The following SRRM1 variants were observed in gnomAD, a reference collection of about 807,000 sequenced individuals.
SRRM1 encodes serine/arginine repetitive matrix protein 1.
Under a neutral mutation model 110.2 loss-of-function variants are expected in SRRM1, and 19 were observed. The observed-to-expected ratio is 0.17, with a 90% CI of 0.12 to 0.25. SRRM1 has a LOEUF of 0.25. Among genes scored for constraint, SRRM1 ranks in the 10% least tolerant of loss-of-function variants. The pLI is 1.00. For synonymous variants in SRRM1, 443 were observed against 414.9 expected (o/e 1.07, Z -0.82); for missense variants, 918 against 1,145.8 (o/e 0.80, Z 2.87).
Position 24,652,893 on chromosome 1 carries a change from A to G in SRRM1, c.921-20A>G. ...CTCACTCCTGGTTTATTCAGGACCT[A>G]ATTCTCTTTGTTATGGCAGATCGTA... On this transcript the variant is annotated intron_variant, in intron 7 of 16. Coordinates refer to ENST00000323848, the MANE Select transcript of SRRM1 (RefSeq NM_005839.4). 1 of 1,611,390 alleles carries G rather than the reference A, an allele frequency of 6.2e-7. No homozygotes were observed. Among genetic ancestry groups the G allele is most frequent in the Non-Finnish European group, 8.5e-7 (1 of 1,178,998 alleles).
chr1:24,654,657 T>C (rs1662959593), intron 8 of SRRM1, among the ~76,000 whole-genome samples, 198 bp from the exon 9 acceptor site: 2 of 152,202 alleles, frequency 1.3e-5, no homozygotes, highest in Non-Finnish European at 1.5e-5. Flanking sequence ...TTAAGTTGTT[T>C]ATATTAATCT....
chr1:24,650,050 G>A lies in SRRM1; in HGVS notation c.485G>A (p.Ser162Asn), dbSNP rs112268042. 1.9e-5 allele frequency: 31 copies of A among 1,593,038 alleles called. 1 individual carries two copies. In the South Asian group the frequency reaches 3.3e-4, roughly 17 times the overall value. The change falls in exon 5 of 17, where the codon AGC becomes AAC. Residue 162 changes from serine (S) to asparagine (N), a missense_variant. Coordinates refer to ENST00000323848, the MANE Select transcript of SRRM1 (RefSeq NM_005839.4). ...AGAGATAAGGAAGAAAAAGAAAGCA[G>A]CAGAGAAAAAAGGGAGCGGTCTCGT... is the stretch of plus-strand genomic sequence containing the variant. ...DKRDKEEKES[S>N]REKRERSRSP...
chr1:24,644,107 C>G (rs1011555070), intron 1 of SRRM1, among the ~76,000 whole-genome samples: 1 of 152,184 alleles, frequency 6.6e-6, no homozygotes, highest in Admixed American at 6.5e-5. Flanking sequence ...TCGTGTTTTA[C>G]TCTTGGAGTC....
At chr1:24,660,575 A>T (rs1666669856) in intron 9 of SRRM1, 144 bp from the exon 10 acceptor site, 1 of 367,474 alleles carries the variant, frequency 2.7e-6, no homozygotes, top group South Asian at 9.4e-5. Flanking sequence ...GCTTGAGGTC[A>T]GGAGTTCAAG....
In SRRM1 at chr1:24,669,372, G is replaced by A. The variant is rs368508343; in HGVS notation, c.1989G>A (p.Gly663=). The A allele has an allele frequency of 9.2e-5, 148 of 1,613,982 alleles. No individual in the cohort carries two copies. The highest frequency in any genetic ancestry group is 1.2e-4 in the Non-Finnish European group (141 of 1,180,046). ...SPSLSSKHRK[G]SSPSRSTREA... is the part of the protein sequence containing the mutation. ...CATTATCATCCAAGCATAGGAAAGG[G>A]TCTTCCCCAAGCCGCTCTACCCGGG... The change falls in exon 14 of 17, where the codon GGG becomes GGA. Residue 663 remains glycine (G), a synonymous_variant. Transcript: ENST00000323848.
At chr1:24,664,885 AC>A (rs376582506) in intron 12 of SRRM1, among the ~76,000 whole-genome samples, 1 of 85,568 alleles carries the variant, frequency 1.2e-5, no homozygotes, top group Non-Finnish European at 2.5e-5. Context: ...TTCCCTCCCC[AC>A]CCCCCCACCA....
chr1:24,655,146 T>A lies in SRRM1; in HGVS notation c.1315+17T>A. The A allele has an allele frequency of 6.2e-7, 1 of 1,611,266 alleles. No homozygotes were observed. On this transcript the variant is annotated intron_variant, in intron 9 of 16. Transcript: ENST00000323848. ...CAGGTAAAGGTAAAAATCAAACACATATGAAACATGGTCTCTCTTTCTTTG... is the reference window on the plus strand; with the variant it reads ...CAGGTAAAGGTAAAAATCAAACACAAATGAAACATGGTCTCTCTTTCTTTG...
At chr1:24,664,662 T>A (rs766376311) in intron 12 of SRRM1, among the ~76,000 whole-genome samples, 13 of 152,208 alleles carry the variant, frequency 8.5e-5, no homozygotes, top group Non-Finnish European at 1.9e-4. Context: ...GAGCAGTGTT[T>A]GTGATGGAGC....
At position 24,661,291 on chromosome 1, in the gene SRRM1, A is replaced by C. The variant is rs1667117211; in HGVS notation, c.1397-19A>C. The stretch of plus-strand genomic sequence containing the variant: ...ATGCTTAACTAAAGAAACACTTTCT[A>C]AATGCATCCATCTTTCAGAAGAAGA... On this transcript the variant is annotated intron_variant, in intron 10 of 16. Transcript: ENST00000323848. The C allele has an allele frequency of 1.9e-6, 3 of 1,596,976 alleles. No individual in the cohort carries two copies. Among genetic ancestry groups the C allele is most frequent in the Non-Finnish European group, 2.6e-6 (3 of 1,166,668 alleles).
Position 24,661,402 on chromosome 1 carries a change from G to A in SRRM1, c.1483+6G>A. On this transcript the variant is annotated splice_donor_region_variant and intron_variant, in intron 11 of 16. Transcript: ENST00000323848. ...AAACCAGCAGTCTTCATCTGGTATGGATGGTGATGAAAGTTTTTTTTCTAC... is the reference window on the plus strand; with the variant it reads ...AAACCAGCAGTCTTCATCTGGTATGAATGGTGATGAAAGTTTTTTTTCTAC... 1.2e-6 allele frequency: 2 copies of A among 1,606,912 alleles called. No individual in the cohort carries two copies. The highest frequency in any genetic ancestry group is 8.5e-7 in the Non-Finnish European group (1 of 1,175,900).
intron 11 of SRRM1, among the ~76,000 whole-genome samples, chr1:24,661,856 G>A (rs996758190): frequency 2.0e-5 from 3 of 152,164 alleles, no homozygotes; most frequent in African/African-American, 4.8e-5. Context: ...TTGGGAGGCC[G>A]AGGTGAGCAG....
At chr1:24,667,963 C>CTTT (rs1670814766) in intron 13 of SRRM1, among the ~76,000 whole-genome samples, 8 of 117,726 alleles carry the variant, frequency 6.8e-5, no homozygotes, top group African/African-American at 1.1e-4. Context: ...CATGCTGCCA[C>CTTT]TCTTTTTTTT....
At chr1:24,669,921 T>C (rs931010893) in intron 14 of SRRM1, 199 bp from the exon 15 acceptor site, 2 of 581,698 alleles carry the variant, frequency 3.4e-6, no homozygotes, top group Non-Finnish European at 6.0e-6. Flanking sequence ...ATTAACAGAA[T>C]AGATAGAGGA....
At chr1:24,666,734 C>A in intron 12 of SRRM1, 81 bp from the exon 13 acceptor site, 1 of 1,135,326 alleles carries the variant, frequency 8.8e-7, no homozygotes, top group Non-Finnish European at 1.3e-6. Flanking sequence ...CATTGCACTC[C>A]AGCCTGGGCG....
At chr1:24,662,337 A>G (rs1667687718) in intron 11 of SRRM1, among the ~76,000 whole-genome samples, 1 of 152,144 alleles carries the variant, frequency 6.6e-6, no homozygotes, top group African/African-American at 2.4e-5. Flanking sequence ...AATCCCAGCT[A>G]CTCAGGAGGC....
intron 3 of SRRM1, 96 bp from the exon 4 acceptor site, chr1:24,648,763 A>T: frequency 8.6e-7 from 1 of 1,157,586 alleles, no homozygotes; most frequent in Non-Finnish European, 1.2e-6. Flanking sequence ...TGGTAGACTT[A>T]AAAAATACTA....
chr1:24,651,259 G>A (rs1660496785), intron 5 of SRRM1, 150 bp from the exon 6 acceptor site: 1 of 629,692 alleles, frequency 1.6e-6, no homozygotes, highest in Non-Finnish European at 2.8e-6. Context: ...TCCCTGTCAA[G>A]TAGATTAGGT....
intron 9 of SRRM1, among the ~76,000 whole-genome samples, chr1:24,656,527 T>A (rs572246653): frequency 3.9e-5 from 6 of 152,360 alleles, no homozygotes; most frequent in Non-Finnish European, 5.9e-5. Flanking sequence ...TGTACCATAC[T>A]GCTTTTCAGC....
At chr1:24,665,545 C>G (rs1669553961) in intron 12 of SRRM1, among the ~76,000 whole-genome samples, 1 of 151,982 alleles carries the variant, frequency 6.6e-6, no homozygotes, top group Admixed American at 6.6e-5. Context: ...AACCCCGTCT[C>G]TACTAAAAAT....
Sources: gnomAD v4.1 joint callset for allele counts (sites outside exome capture counted in the v4.1 genomes callset) on GRCh38, gnomAD v4.1.1 for gene constraint, MANE v1.5 for transcripts, NCBI Gene and HGNC (gene_info 2026-07-23, HGNC 2026-07-21) for gene names.